Variants in NRG1 observed in about 807,000 individuals in gnomAD.
The protein encoded by NRG1 is neuregulin 1.
A neutral mutation model predicts 63.8 loss-of-function variants in NRG1; 18 were observed. The observed-to-expected ratio is 0.28, with a 90% CI of 0.19 to 0.42. The LOEUF is 0.42. NRG1 is among the 10% of genes least tolerant of loss of function. The pLI is 1.00. For missense variants in NRG1, 762 were observed against 814.7 expected (o/e 0.94, Z 0.79); for synonymous variants, 302 against 301.3 (o/e 1.00, Z -0.02).
At chr8:31,718,242 C>A (rs1812555184) in intron 1 of NRG1, among the ~76,000 whole-genome samples, 1 of 151,706 alleles carries the variant, frequency 6.6e-6, no homozygotes, top group South Asian at 2.1e-4. Context: ...ATTAAAAGAA[C>A]AGTGTGTCAA....
chr8:32,742,146 T>C lies in NRG1; in HGVS notation c.633-529T>C. On this transcript the variant is annotated intron_variant, in intron 6 of 11. Coordinates refer to ENST00000356819, the Ensembl canonical transcript of NRG1. This position sits in a 1 kb window ranked among gnomAD's most constrained non-coding sequence, Gnocchi z 4.2. The stretch of plus-strand genomic sequence containing the variant: ...AACAATCACTACCACTTGGTGCTTT[T>C]ACAGCTCAGTCGTAACTGATTCATT... The C allele has an allele frequency of 1.6e-6, 2 of 1,221,866 alleles. No individual in the cohort carries two copies. The highest frequency in any genetic ancestry group is 2.4e-6 in the Non-Finnish European group (2 of 825,286). 75.7% of individuals were successfully genotyped at this position (1,221,866 alleles called of 1,614,324 possible).
intron 1 of NRG1, among the ~76,000 whole-genome samples, chr8:31,982,949 T>C (rs1323766066): frequency 6.6e-6 from 1 of 152,084 alleles, no homozygotes; most frequent in Admixed American, 6.6e-5. Flanking sequence ...TTTAAAAGAA[T>C]GGAGAAGGGA....
intron 1 of NRG1, among the ~76,000 whole-genome samples, chr8:32,175,438 C>G (rs1044324445): frequency 6.6e-6 from 1 of 152,190 alleles, no homozygotes; most frequent in Admixed American, 6.5e-5. Context: ...GGGATGCCCT[C>G]TCTCACCACT....
chr8:32,491,940 AACTAG>A lies in NRG1; in HGVS notation c.38-103883_38-103879del, dbSNP rs1826634047. On this transcript the variant is annotated intron_variant, in intron 1 of 10. Transcript: ENST00000519301. The stretch of plus-strand genomic sequence containing the variant: ...CTTGTTCACTTTTGAAAAGGTGGAA[AACTAG>A]ACTAAATTCTGTATTGAAAATGTCA... Among the ~76,000 whole-genome samples the A allele has an allele frequency of 2.6e-5, 4 of 152,276 alleles. No individual in the cohort carries two copies. In the South Asian group the frequency reaches 6.2e-4, roughly 24 times the overall value.
At chr8:32,588,157 A>G (rs1479653550) in intron 1 of NRG1, among the ~76,000 whole-genome samples, 1 of 152,108 alleles carries the variant, frequency 6.6e-6, no homozygotes, top group Non-Finnish European at 1.5e-5. Flanking sequence ...CTTGATCTCA[A>G]GTGATCCATC....
intron 1 of NRG1, among the ~76,000 whole-genome samples, chr8:32,324,795 C>A (rs1239428700): frequency 1.3e-5 from 2 of 152,122 alleles, no homozygotes; most frequent in Non-Finnish European, 2.9e-5. Context: ...TTCAGGATAG[C>A]ATCTCATTTT....
At chr8:32,127,642 A>T (rs943273089) in intron 1 of NRG1, among the ~76,000 whole-genome samples, 1 of 151,506 alleles carries the variant, frequency 6.6e-6, no homozygotes, top group African/African-American at 2.4e-5. Context: ...TTAGCAGAGG[A>T]TGAAGGCTCC....
At chr8:32,575,730 G>A (rs772640339) in intron 1 of NRG1, among the ~76,000 whole-genome samples, 1 of 152,170 alleles carries the variant, frequency 6.6e-6, no homozygotes, top group Non-Finnish European at 1.5e-5. Flanking sequence ...AGGCTTGAAT[G>A]TTCTAATAAG....
At chr8:32,241,333 C>G (rs1848078171) in intron 1 of NRG1, among the ~76,000 whole-genome samples, 1 of 152,196 alleles carries the variant, frequency 6.6e-6, no homozygotes, top group South Asian at 2.1e-4. Flanking sequence ...TAAGAATTCT[C>G]TATATTTACA....
intron 1 of NRG1, among the ~76,000 whole-genome samples, chr8:31,918,238 G>T (rs1478295295): frequency 6.6e-6 from 1 of 152,198 alleles, no homozygotes; most frequent in African/African-American, 2.4e-5. Flanking sequence ...CCAACAGTAT[G>T]TTGAATAGTA....
At chr8:31,677,162 G>A (rs965383419) in intron 1 of NRG1, among the ~76,000 whole-genome samples, 2 of 152,076 alleles carry the variant, frequency 1.3e-5, no homozygotes, top group African/African-American at 4.8e-5. Context: ...TCTTGCTTTT[G>A]TTTTCTGCCA....
At chr8:31,937,517 G>A (rs1801084588) in intron 1 of NRG1, among the ~76,000 whole-genome samples, 1 of 152,178 alleles carries the variant, frequency 6.6e-6, no homozygotes, top group South Asian at 2.1e-4. Flanking sequence ...AGAATCCACA[G>A]ACCCTTTGAG....
chr8:31,736,131 A>G (rs1221767806), intron 1 of NRG1, among the ~76,000 whole-genome samples: 2 of 152,114 alleles, frequency 1.3e-5, no homozygotes, highest in African/African-American at 4.8e-5. Context: ...CATCTGGTCT[A>G]TTAATGCCAC....
intron 1 of NRG1, among the ~76,000 whole-genome samples, chr8:31,980,931 C>T (rs1361586224): frequency 1.3e-5 from 2 of 151,858 alleles, no homozygotes; most frequent in African/African-American, 2.4e-5. Context: ...ATGTAAGTAG[C>T]AATCGAGGAA....
chr8:32,656,430 A>G (rs974749695), intron 5 of NRG1, among the ~76,000 whole-genome samples: 1 of 152,206 alleles, frequency 6.6e-6, no homozygotes, highest in Non-Finnish European at 1.5e-5. Flanking sequence ...ATTGGCCAGA[A>G]TCCTACAAAA....
intron 1 of NRG1, among the ~76,000 whole-genome samples, chr8:32,013,123 C>T (rs529448554): frequency 6.6e-6 from 1 of 151,876 alleles, no homozygotes; most frequent in Non-Finnish European, 1.5e-5. Context: ...TAAACTAGAC[C>T]ACAAGTCCTG....
chr8:31,890,754 T>C (rs1306787232), intron 1 of NRG1, among the ~76,000 whole-genome samples: 1 of 152,072 alleles, frequency 6.6e-6, no homozygotes, highest in African/African-American at 2.4e-5. Flanking sequence ...CACAGTCAAG[T>C]TTTCAATCTG....
At chr8:32,330,999 G>T (rs1802575453) in intron 1 of NRG1, among the ~76,000 whole-genome samples, 2 of 152,056 alleles carry the variant, frequency 1.3e-5, no homozygotes, top group South Asian at 4.1e-4. Flanking sequence ...TGAGGAAAAA[G>T]AGTTTTATTC....
intron 1 of NRG1, among the ~76,000 whole-genome samples, chr8:32,354,970 T>C (rs987297995): frequency 6.6e-6 from 1 of 151,698 alleles, no homozygotes; most frequent in African/African-American, 2.4e-5. Context: ...GCAATATAAA[T>C]TGCAGACTAA....
Sources: allele counts gnomAD v4.1 joint callset (sites outside exome capture counted in the v4.1 genomes callset), GRCh38; gene constraint gnomAD v4.1.1; non-coding constraint Gnocchi (gnomAD v3.1); transcripts MANE v1.5; gene names NCBI Gene and HGNC (gene_info 2026-07-23, HGNC 2026-07-21).